ASTN2: variants seen among roughly 807,000 people sequenced by gnomAD.
The protein encoded by ASTN2 is astrotactin 2, also known as astrotactin-2.
ASTN2 carries 54 observed loss-of-function variants against 139.8 expected under a neutral mutation model. The observed-to-expected ratio is 0.39, with a 90% confidence interval of 0.31 to 0.48. The LOEUF is 0.48. ASTN2 is among the 20% of genes least tolerant of loss of function. ASTN2 has a pLI of 0.95. For missense variants in ASTN2, 1,565 were observed against 1,725.1 expected, an observed-to-expected ratio of 0.91 and a Z score of 1.64; for synonymous variants, 756 against 719.5, an observed-to-expected ratio of 1.05 and a Z score of -0.81.
intron 20 of ASTN2, among the ~76,000 whole-genome samples, chr9:116,471,576 G>C (rs1262346666): frequency 6.6e-6 from 1 of 152,066 alleles, no homozygotes; most frequent in Non-Finnish European, 1.5e-5. Flanking sequence ...GGGAAAGAGG[G>C]ACAGAGAAGG....
chr9:116,568,307 T>G (rs1377923556), intron 19 of ASTN2: 1 of 152,248 alleles, frequency 6.6e-6, no homozygotes, highest in Admixed American at 6.5e-5. Context: ...GACTAGCCTA[T>G]AGTGAGCTCA....
At chr9:116,886,931 T>C (rs1031351582) in intron 10 of ASTN2, among the ~76,000 whole-genome samples, 3 of 152,042 alleles carry the variant, frequency 2.0e-5, no homozygotes, top group African/African-American at 4.8e-5. Flanking sequence ...TGGTGGGGCA[T>C]GCTGATTTAG....
intron 13 of ASTN2, among the ~76,000 whole-genome samples, chr9:116,749,135 T>C (rs1215392308): frequency 2.0e-5 from 3 of 152,104 alleles, no homozygotes; most frequent in Non-Finnish European, 2.9e-5. Context: ...TTGCCTCACA[T>C]ACTTGCTGTA....
At chr9:117,136,489 T>G (rs1045972920) in intron 4 of ASTN2, among the ~76,000 whole-genome samples, 1 of 152,234 alleles carries the variant, frequency 6.6e-6, no homozygotes, top group African/African-American at 2.4e-5. Context: ...AAGTTCATTT[T>G]CATATGCCTT....
intron 1 of ASTN2, among the ~76,000 whole-genome samples, chr9:117,402,809 G>T (rs1830873375): frequency 6.6e-6 from 1 of 152,014 alleles, no homozygotes; most frequent in Non-Finnish European, 1.5e-5. Context: ...GTGATGGAGG[G>T]TATATAGGTC....
intron 16 of ASTN2, among the ~76,000 whole-genome samples, chr9:116,659,423 C>G (rs1184943756): frequency 6.6e-6 from 1 of 152,120 alleles, no homozygotes; most frequent in Non-Finnish European, 1.5e-5. Context: ...CCAACTATCC[C>G]AATTTATCAC....
chr9:117,219,697 A>C (rs1832452277), intron 2 of ASTN2, among the ~76,000 whole-genome samples: 1 of 152,196 alleles, frequency 6.6e-6, no homozygotes, highest in Admixed American at 6.5e-5. Flanking sequence ...CCTTATGAGA[A>C]TTTCAAGAAG....
At chr9:116,744,418 G>A (rs1280817075) in intron 13 of ASTN2, among the ~76,000 whole-genome samples, 1 of 152,126 alleles carries the variant, frequency 6.6e-6, no homozygotes, top group African/African-American at 2.4e-5. Context: ...CATCAGATAG[G>A]AGCTTCAAAA....
intron 19 of ASTN2, among the ~76,000 whole-genome samples, chr9:116,512,300 A>G (rs1211110242): frequency 6.6e-6 from 1 of 152,150 alleles, no homozygotes; most frequent in Non-Finnish European, 1.5e-5. Flanking sequence ...GTTTCCAGGT[A>G]GTTGAGTGGT....
At chr9:116,745,176 G>A (rs535813457) in intron 13 of ASTN2, among the ~76,000 whole-genome samples, 272 of 152,322 alleles carry the variant, frequency 1.8e-3, no homozygotes, top group African/African-American at 6.1e-3. Context: ...ATAGAGAAGT[G>A]TCTTATTTAA....
intron 19 of ASTN2, among the ~76,000 whole-genome samples, chr9:116,523,607 T>G (rs1438594091): frequency 1.3e-5 from 2 of 152,152 alleles, no homozygotes; most frequent in Non-Finnish European, 2.9e-5. Context: ...TAGTTTCTGG[T>G]CTAAAGTAGG....
rs980723572 is a variant in ASTN2 at position 117,115,942 on chromosome 9, G to A, written c.1169-19791C>T. 6.6e-5 allele frequency among the ~76,000 whole-genome samples: 10 copies of A among 151,534 alleles called. No homozygotes were observed. In the South Asian group the frequency reaches 1.3e-3, roughly 19 times the overall value. On this transcript the variant is annotated intron_variant, in intron 4 of 22. Transcript: ENST00000313400. ...CGGCAGGCTGAGGCAGGAGAATGGC[G>A]TGAACCCAGAAGGCGGAGCTTGCAG...
intron 13 of ASTN2, among the ~76,000 whole-genome samples, chr9:116,796,355 C>T (rs1035058011): frequency 2.6e-5 from 4 of 152,134 alleles, no homozygotes; most frequent in African/African-American, 7.2e-5. Flanking sequence ...AATTCGCTTT[C>T]CCGAATCCCT....
At chr9:116,446,910 A>G (rs547609592) in intron 20 of ASTN2, among the ~76,000 whole-genome samples, 16 of 152,306 alleles carry the variant, frequency 1.1e-4, no homozygotes, top group Non-Finnish European at 1.9e-4. Flanking sequence ...GTATTTTTCA[A>G]TATTTCTTCA....
rs544407878 is a variant in ASTN2 at position 117,314,674 on chromosome 9, T to C, written c.443-23161A>G. ...AAAATATGTATAATTATATATGATA[T>C]GTTTTTATAATTTTTATGGTATATT... On this transcript the variant is annotated intron_variant, in intron 1 of 22. Coordinates refer to ENST00000313400, the MANE Select transcript of ASTN2 (RefSeq NM_001365068.1). Among the ~76,000 whole-genome samples, 467 of 145,972 alleles carry C rather than the reference T, an allele frequency of 3.2e-3. 1 individual carries two copies. The highest frequency in any genetic ancestry group is 0.015 in the South Asian group (69 of 4,758).
chr9:116,983,504 A>G (rs1951724176), intron 7 of ASTN2, among the ~76,000 whole-genome samples: 1 of 152,204 alleles, frequency 6.6e-6, no homozygotes, highest in Non-Finnish European at 1.5e-5. Flanking sequence ...TTACACCACC[A>G]CAAACATCAC....
chr9:116,427,672 G>A (rs1244092794), intron 22 of ASTN2, among the ~76,000 whole-genome samples: 1 of 152,350 alleles, frequency 6.6e-6, no homozygotes, highest in East Asian at 1.9e-4. Flanking sequence ...AAAAAGGACC[G>A]AGCTTATGTG....
chr9:116,483,917 G>C (rs1387919180), intron 20 of ASTN2, among the ~76,000 whole-genome samples: 1 of 152,190 alleles, frequency 6.6e-6, no homozygotes, highest in Non-Finnish European at 1.5e-5. Context: ...CCAGTGGAGA[G>C]ACTAGTCCTT....
chr9:116,916,388 T>A (rs1588408994), intron 10 of ASTN2, among the ~76,000 whole-genome samples: 1 of 152,188 alleles, frequency 6.6e-6, no homozygotes, highest in Admixed American at 6.5e-5. Context: ...ATGGTTACTA[T>A]ATGATTGTTT....
Sources: gnomAD v4.1 joint callset for allele counts (sites outside exome capture counted in the v4.1 genomes callset) on GRCh38, gnomAD v4.1.1 for gene constraint, MANE v1.5 for transcripts, NCBI Gene and HGNC (gene_info 2026-07-23, HGNC 2026-07-21) for gene names.